JAM3: variants seen among roughly 807,000 people sequenced by gnomAD.
The protein encoded by JAM3 is junctional adhesion molecule 3.
A neutral mutation model predicts 39.4 loss-of-function variants in JAM3; 31 were observed. The observed-to-expected ratio is 0.79, with a 90% CI of 0.59 to 1.06. The LOEUF is 1.06. Among genes scored for constraint, JAM3 ranks in the 50% least tolerant of loss-of-function variants. The probability of loss-of-function intolerance (pLI) is 0.00; values close to 1 mark genes in which losing one functional copy is unlikely to be tolerated. For synonymous variants in JAM3, 182 were observed against 148.7 expected, an observed-to-expected ratio of 1.22 and a Z score of -1.63; for missense variants, 455 against 391.4, an observed-to-expected ratio of 1.16 and a Z score of -1.37.
chr11:134,100,341 C>A (rs1188876759), intron 1 of JAM3, among the ~76,000 whole-genome samples: 1 of 152,126 alleles, frequency 6.6e-6, no homozygotes, highest in African/African-American at 2.4e-5. Flanking sequence ...ACCCACAGAG[C>A]CTTTCTTGCT....
chr11:134,133,805 G>A (rs1943564252), intron 1 of JAM3, among the ~76,000 whole-genome samples: 1 of 152,078 alleles, frequency 6.6e-6, no homozygotes, highest in Admixed American at 6.5e-5. Flanking sequence ...CAACACTAAA[G>A]CCTTGTTTAC....
intron 1 of JAM3, among the ~76,000 whole-genome samples, chr11:134,122,081 T>C (rs1399345134): frequency 7.2e-5 from 11 of 152,250 alleles, no homozygotes; most frequent in Admixed American, 7.2e-4. Flanking sequence ...CATTATTTTG[T>C]TTTGTTTTCT....
intron 1 of JAM3, among the ~76,000 whole-genome samples, chr11:134,091,629 CAA>C (rs5795871): frequency 5.0e-4 from 74 of 147,166 alleles, no homozygotes; most frequent in South Asian, 1.3e-3. Flanking sequence ...AACCCCGTGT[CAA>C]AAAAAAAAAA....
At chr11:134,129,644 A>G (rs918271243) in intron 1 of JAM3, among the ~76,000 whole-genome samples, 3 of 152,224 alleles carry the variant, frequency 2.0e-5, no homozygotes, top group Non-Finnish European at 4.4e-5. Flanking sequence ...TTGGTGAAAG[A>G]AGGGTAAGTT....
At chr11:134,097,742 T>C (rs2120668638) in intron 1 of JAM3, among the ~76,000 whole-genome samples, 1 of 152,276 alleles carries the variant, frequency 6.6e-6, no homozygotes, top group South Asian at 2.1e-4. Flanking sequence ...GTTTTCTTGA[T>C]TTATTTTTAT....
Position 134,124,231 on chromosome 11 carries a change from C to T in JAM3, c.77-15620C>T, listed in dbSNP as rs1942594869. 5.4e-6 allele frequency: 7 copies of T among 1,304,400 alleles called. No homozygotes were observed. In the Admixed American group the frequency reaches 1.0e-4, roughly 19 times the overall value. 80.8% of individuals were successfully genotyped at this position (1,304,400 alleles called of 1,614,324 possible). A position where few individuals can be genotyped will look rare whatever the true frequency, so the allele number is the denominator to read the frequency against. ...GTCATCACTCCATACTTCTTAAGTT[C>T]CTCTGGGAACTCGTTGAGAGTAGCA... On this transcript the variant is annotated intron_variant, in intron 1 of 8. Transcript: ENST00000299106.
At chr11:134,096,157 A>G (rs1487434554) in intron 1 of JAM3, among the ~76,000 whole-genome samples, 1 of 152,064 alleles carries the variant, frequency 6.6e-6, no homozygotes, top group Non-Finnish European at 1.5e-5. Context: ...TTGTATTTTT[A>G]GTAGAGACGG....
intron 1 of JAM3, among the ~76,000 whole-genome samples, chr11:134,121,131 G>A (rs1325953045): frequency 6.6e-6 from 1 of 152,134 alleles, no homozygotes; most frequent in Non-Finnish European, 1.5e-5. Flanking sequence ...TTCCCAGCCT[G>A]TTGAGTTAGA....
intron 1 of JAM3, among the ~76,000 whole-genome samples, chr11:134,071,863 G>A (rs1941488793): frequency 6.6e-6 from 1 of 152,170 alleles, no homozygotes; most frequent in South Asian, 2.1e-4. Flanking sequence ...TGTCTTGAAA[G>A]CATGCAGTAC....
At chr11:134,083,188 T>C (rs76762206) in intron 1 of JAM3, among the ~76,000 whole-genome samples, 4,329 of 152,314 alleles carry the variant, frequency 0.028, 216 homozygotes, top group African/African-American at 0.098. Flanking sequence ...GTACAGCTTG[T>C]GCAGACTTAA....
chr11:134,130,057 G>A, intron 1 of JAM3, among the ~76,000 whole-genome samples: 1 of 152,062 alleles, frequency 6.6e-6, no homozygotes, highest in East Asian at 1.9e-4. Flanking sequence ...TCATAGCTTT[G>A]TCATGTAACA....
chr11:134,140,232 C>A (rs1942949754), intron 2 of JAM3, among the ~76,000 whole-genome samples: 1 of 152,188 alleles, frequency 6.6e-6, no homozygotes, highest in Non-Finnish European at 1.5e-5. Flanking sequence ...TGGCTCACTG[C>A]AGCCTCTGCC....
intron 1 of JAM3, among the ~76,000 whole-genome samples, chr11:134,084,181 CA>C (rs1174331887): frequency 1.3e-5 from 2 of 152,176 alleles, no homozygotes; most frequent in African/African-American, 4.8e-5. Flanking sequence ...ACCTCAAATG[CA>C]GGTCATGATC....
At chr11:134,148,701 G>C (rs894445488) in intron 7 of JAM3, 25 bp downstream of exon 7, 6 of 1,614,026 alleles carry the variant, frequency 3.7e-6, no homozygotes, top group Non-Finnish European at 5.1e-6. Context: ...TGTGAAAAAA[G>C]GGAAGTTCAA....
At chr11:134,128,979 C>T (rs1207043056) in intron 1 of JAM3, among the ~76,000 whole-genome samples, 2 of 152,252 alleles carry the variant, frequency 1.3e-5, no homozygotes, top group East Asian at 1.9e-4. Flanking sequence ...CATAGTACTG[C>T]AGGCTGGGAA....
intron 1 of JAM3, among the ~76,000 whole-genome samples, chr11:134,101,263 G>C (rs1026396491): frequency 6.6e-6 from 1 of 152,238 alleles, no homozygotes; most frequent in Non-Finnish European, 1.5e-5. Flanking sequence ...TGTCATTGAA[G>C]TTTGAATTTA....
At chr11:134,135,979 A>T (rs1942857712) in intron 1 of JAM3, among the ~76,000 whole-genome samples, 1 of 152,056 alleles carries the variant, frequency 6.6e-6, no homozygotes. Flanking sequence ...CTGAGACAGG[A>T]GAATTGCTTG....
chr11:134,104,601 T>A (rs1143811), intron 1 of JAM3, among the ~76,000 whole-genome samples: 60,037 of 151,812 alleles, frequency 0.4, 12,901 homozygotes, highest in African/African-American at 0.58. Context: ...ACAAAATTGA[T>A]AGACCGCTAG....
chr11:134,085,318 TTAAAA>T (rs1309037760), intron 1 of JAM3, among the ~76,000 whole-genome samples: 3 of 152,190 alleles, frequency 2.0e-5, no homozygotes, highest in Admixed American at 6.5e-5. Context: ...ATATTAAATT[TTAAAA>T]TTAACCATGC....
Sources: allele counts gnomAD v4.1 joint callset (sites outside exome capture counted in the v4.1 genomes callset), GRCh38; gene constraint gnomAD v4.1.1; transcripts MANE v1.5; gene names NCBI Gene and HGNC (gene_info 2026-07-23, HGNC 2026-07-21).